SIX4: variants seen among roughly 807,000 people sequenced by gnomAD.
SIX4 encodes the protein homeobox protein SIX4.
In SIX4, 23 loss-of-function variants were observed where a neutral mutation model predicts 51.5. The ratio of observed to expected loss-of-function variants is 0.45; its 90% CI spans 0.32 to 0.63. SIX4 has a LOEUF of 0.63. Among genes scored for constraint, SIX4 ranks in the 30% least tolerant of loss-of-function variants. The pLI is 0.04. For missense variants in SIX4, 867 were observed against 984.0 expected (o/e 0.88, Z 1.59); for synonymous variants, 413 against 417.3 (o/e 0.99, Z 0.13).
rs1896043532 is a variant in SIX4 at position 60,722,620 on chromosome 14, A to G, written c.863+592T>C. Among the ~76,000 whole-genome samples the G allele has an allele frequency of 6.6e-6, 1 of 152,018 alleles. No individual in the cohort carries two copies. On this transcript the variant is annotated intron_variant, in intron 1 of 2. Coordinates refer to ENST00000216513, the MANE Select transcript of SIX4 (RefSeq NM_017420.5). This position sits in a 1 kb window ranked among gnomAD's most constrained non-coding sequence, Gnocchi z 5.9. ...ATTAACTCTGTCATATGAAACCTCG[A>G]CGTTCCGAGACCCCTTCTGCGCCGC...
In SIX4 at chr14:60,720,133, G is replaced by C. The variant is rs1159243746; in HGVS notation, c.1176C>G (p.Asn392Lys). ...NVGNTQAVAL[N>K]PPKMSSNIVS... ...CAATGTTTGATGACATTTTTGGTGG[G>C]TTCAATGCCACTGCCTGTGTATTTC... Residue 392 changes from asparagine (N) to lysine (K), a missense_variant, in exon 2 of 3, where the codon AAC (asparagine) becomes AAG (lysine). Asn to Lys is a moderately conservative substitution (Grantham distance 94, BLOSUM62 0). Coordinates refer to ENST00000216513, the MANE Select transcript of SIX4 (RefSeq NM_017420.5). This position sits in a 1 kb window ranked among gnomAD's most constrained non-coding sequence, Gnocchi z 5.5. The C allele has an allele frequency of 3.7e-6, 6 of 1,614,076 alleles. No individual in the cohort carries two copies. In the African/African-American group the frequency reaches 6.7e-5, roughly 18 times the overall value.
Position 60,713,974 on chromosome 14 carries a change from G to A in SIX4, c.1779C>T (p.Asn593=). The stretch of plus-strand genomic sequence containing the variant: ...TCCCCGAGATGTTTTCAGAAGACAG[G>A]TTTGCATTTACTTGTGCATTCTGAT... ...PVNQNAQVNA[N]LSSENISGSG... is the part of the protein sequence containing the mutation. Residue 593 remains asparagine (N), a synonymous_variant, in exon 3 of 3, where the codon AAC becomes AAT. Coordinates refer to ENST00000216513, the MANE Select transcript of SIX4 (RefSeq NM_017420.5). 6.2e-7 allele frequency: 1 copy of A among 1,614,162 alleles called. No homozygotes were observed. Among genetic ancestry groups the A allele is most frequent in the African/African-American group, 1.3e-5 (1 of 75,044 alleles).
At position 60,720,481 on chromosome 14, in the gene SIX4, C is replaced by A; in HGVS notation, c.864-36G>T. ...GGGGAAATCAAAATGTTCAGAAGGT[C>A]AGGGGGATGACATTCTACACAGTGC... On this transcript the variant is annotated intron_variant, in intron 1 of 2. Transcript: ENST00000216513. This position sits in a 1 kb window ranked among gnomAD's most constrained non-coding sequence, Gnocchi z 5.5. 1 of 1,580,808 alleles carries A rather than the reference C, an allele frequency of 6.3e-7. No homozygotes were observed. Among genetic ancestry groups the A allele is most frequent in the South Asian group, 1.2e-5 (1 of 84,738 alleles).
rs1388974429 is a variant in SIX4 at position 60,714,136 on chromosome 14, C to T, written c.1617G>A (p.Gln539=). ...GAGAGCTCAAGAAAACCTTTCCTTGCTGGACTGTGGTAGACTCACTTGTAA... is the reference window on the plus strand; with the variant it reads ...GAGAGCTCAAGAAAACCTTTCCTTGTTGGACTGTGGTAGACTCACTTGTAA... The part of the protein sequence containing the change: ...STFTSESTTV[Q]QGKVFLSSLA... The change falls in exon 3 of 3, where the codon CAG becomes CAA. Residue 539 remains glutamine, a synonymous_variant. Transcript: ENST00000216513. 1 of 1,613,408 alleles carries T rather than the reference C, an allele frequency of 6.2e-7. No homozygotes were observed. The highest frequency in any genetic ancestry group is 1.1e-5 in the South Asian group (1 of 91,022).
At chr14:60,718,337 T>C (rs1322906664) in intron 2 of SIX4, among the ~76,000 whole-genome samples, 2 of 152,306 alleles carry the variant, frequency 1.3e-5, no homozygotes, top group South Asian at 2.1e-4. Flanking sequence ...GAAAATGCTA[T>C]TCTTATTCCT....
chr14:60,723,668 A>T lies in SIX4; in HGVS notation c.407T>A (p.Leu136Gln), dbSNP rs1896079533. Residue 136 changes from leucine (L) to glutamine (Q), a missense_variant, in exon 1 of 3, where the codon CTG becomes CAG. By Grantham distance (113) the Leu-to-Gln change is moderately radical (BLOSUM62 -2). Coordinates refer to ENST00000216513, the MANE Select transcript of SIX4 (RefSeq NM_017420.5). ...GCCACGTAGCAGGTCGCTCTGGGGC[A>T]GGGACCACAGGAACCGGGCCAGGCG... Reference protein sequence around the residue: ...LDRLARFLWSLPQSDLLRGNE... With the variant: ...LDRLARFLWSQPQSDLLRGNE... The T allele has an allele frequency of 7.6e-6, 12 of 1,583,048 alleles. No homozygotes were observed. Among genetic ancestry groups the T allele is most frequent in the African/African-American group, 1.3e-5 (1 of 74,328 alleles).
At chr14:60,715,874 A>C (rs1895912244) in intron 2 of SIX4, among the ~76,000 whole-genome samples, 2 of 150,384 alleles carry the variant, frequency 1.3e-5, no homozygotes, top group South Asian at 4.2e-4. Context: ...ATGTTCAGTC[A>C]ACTCTTTTTT....
In SIX4 at chr14:60,713,719, G is replaced by A; in HGVS notation, c.2034C>T (p.Val678=). The A allele has an allele frequency of 6.2e-7, 1 of 1,614,222 alleles. No individual in the cohort carries two copies. The highest frequency in any genetic ancestry group is 8.5e-7 in the Non-Finnish European group (1 of 1,180,052). ...CCCCAAGGGCAGCCTGAGTCATAGG[G>A]ACTGACAATAGGTCTTGACCAGTAA... The part of the protein sequence containing the change: ...SLITGQDLLS[V]PMTQAALGEI... Residue 678 remains valine (V), a synonymous_variant, in exon 3 of 3, where the codon GTC becomes GTT. Coordinates refer to ENST00000216513, the MANE Select transcript of SIX4 (RefSeq NM_017420.5).
intron 1 of SIX4, 200 bp downstream of exon 1, chr14:60,723,012 A>C: frequency 8.4e-7 from 1 of 1,188,958 alleles, no homozygotes; most frequent in Non-Finnish European, 1.1e-6. Flanking sequence ...GAGGGTAAGG[A>C]GGGAGGTTCC....
At chr14:60,723,087 A>C in intron 1 of SIX4, 125 bp downstream of exon 1, 1 of 1,376,382 alleles carries the variant, frequency 7.3e-7, no homozygotes, top group South Asian at 1.6e-5. Flanking sequence ...GGGCGGGGAG[A>C]GGTGGGCAGC....
chr14:60,724,008 C>T lies in SIX4; in HGVS notation c.67G>A (p.Glu23Lys). The change falls in exon 1 of 3, where the codon GAA becomes AAA. Residue 23 changes from glutamate (E) to lysine (K), a missense_variant. Glu to Lys is a moderately conservative substitution (Grantham distance 56). Coordinates refer to ENST00000216513, the MANE Select transcript of SIX4 (RefSeq NM_017420.5). ...GCCTCCTGCCCTTCCGAGGCGCTTT[C>T]CATCCCATTCTCTTGCTTGATGTCC... ...AADIKQENGMESASEGQEAHR... is the reference protein window; with the variant it reads ...AADIKQENGMKSASEGQEAHR... 6.6e-7 allele frequency: 1 copy of T among 1,520,068 alleles called. No homozygotes were observed. Among genetic ancestry groups the T allele is most frequent in the Non-Finnish European group, 8.8e-7 (1 of 1,136,334 alleles). 94.2% of individuals were successfully genotyped at this position (1,520,068 alleles called of 1,614,324 possible).
Position 60,719,853 on chromosome 14 carries a change from T to A in SIX4, c.1456A>T (p.Ile486Phe). 1 of 1,614,222 alleles carries A rather than the reference T, an allele frequency of 6.2e-7. No individual in the cohort carries two copies. Among genetic ancestry groups the A allele is most frequent in the Non-Finnish European group, 8.5e-7 (1 of 1,180,042 alleles). ...TGGCTGTTTGCTCCGGAATTGGGGA[T>A]CTGGACAATGCCATACTGGTTAATT... ...VQINQYGIVQIPNSGANSQFL... is the reference protein window; with the variant it reads ...VQINQYGIVQFPNSGANSQFL... Residue 486 changes from isoleucine to phenylalanine, a missense_variant, in exon 2 of 3, where the codon ATC (isoleucine) becomes TTC (phenylalanine). Transcript: ENST00000216513. The surrounding 1 kb of genome is among the most constrained non-coding windows in gnomAD (Gnocchi z 4.9).
In SIX4 at chr14:60,714,191, A is replaced by G. The variant is rs759409239; in HGVS notation, c.1562T>C (p.Val521Ala). Residue 521 changes from valine to alanine, a missense_variant, in exon 3 of 3, where the codon GTA (valine) becomes GCA (alanine). By Grantham distance (64) the Val-to-Ala change is moderately conservative. Transcript: ENST00000216513. The part of the protein sequence containing the change: ...SVAASQGNIS[V>A]SSSTSDGSTF... ...GCTTCCATCTGAAGTGCTTGAGCTT[A>G]CTGAGATATTACCTAAAAAAAATAA... 6.3e-6 allele frequency: 10 copies of G among 1,583,518 alleles called. 1 individual carries two copies. In the South Asian group the frequency reaches 1.2e-4, roughly 18 times the overall value.
chr14:60,714,856 G>T (rs1421195963), intron 2 of SIX4, among the ~76,000 whole-genome samples: 1 of 151,636 alleles, frequency 6.6e-6, no homozygotes, highest in African/African-American at 2.4e-5. Context: ...AGTAGAGACG[G>T]GGTTTCACCA....
chr14:60,711,484 T>TA lies in SIX4; in HGVS notation c.*1922dup, dbSNP rs1229088021. 58 of 146,602 alleles carry TA rather than the reference T, an allele frequency of 4.0e-4. No individual in the cohort carries two copies. Among genetic ancestry groups the TA allele is most frequent in the Admixed American group, 9.6e-4 (14 of 14,620 alleles). The allele number at this position is 146,602 out of a possible 1,614,324, so 9.1% of individuals were successfully genotyped here. The stretch of plus-strand genomic sequence containing the variant: ...TAGAGTGGGCCCTTTGTTCTGATCA[T>TA]AAAAAAAAAAGCAAGATGTGGCCAG... On this transcript the variant is annotated 3_prime_UTR_variant, in exon 3 of 3. Transcript: ENST00000216513.
intron 2 of SIX4, among the ~76,000 whole-genome samples, chr14:60,715,993 G>A (rs945133450): frequency 6.6e-6 from 1 of 151,818 alleles, no homozygotes; most frequent in African/African-American, 2.4e-5. Flanking sequence ...CAACCTCTGA[G>A]TAGCTGGGAT....
At position 60,709,544 on chromosome 14, in the gene SIX4, A is replaced by G. The variant is rs1442719693; in HGVS notation, c.*3863T>C. On this transcript the variant is annotated 3_prime_UTR_variant, in exon 3 of 3. Coordinates refer to ENST00000216513, the MANE Select transcript of SIX4 (RefSeq NM_017420.5). This position sits in a 1 kb window ranked among gnomAD's most constrained non-coding sequence, Gnocchi z 4.1. ...AAATAATTTTCAATGCAAGGTATGT[A>G]TAAATATAAAGTTTATTTAGCATAG... 1 of 152,688 alleles carries G rather than the reference A, an allele frequency of 6.5e-6. No individual in the cohort carries two copies. Among genetic ancestry groups the G allele is most frequent in the Non-Finnish European group, 1.5e-5 (1 of 68,054 alleles). The allele number at this position is 152,688 out of a possible 1,614,324, so 9.5% of individuals were successfully genotyped here.
Position 60,714,121 on chromosome 14 carries a change from G to A in SIX4, c.1632C>T (p.Phe544=). Residue 544 remains phenylalanine (F), a synonymous_variant, in exon 3 of 3, where the codon TTC becomes TTT. Coordinates refer to ENST00000216513, the MANE Select transcript of SIX4 (RefSeq NM_017420.5). ...CTGCACTGGGAGCAAGAGAGCTCAAGAAAACCTTTCCTTGCTGGACTGTGG... is the reference window on the plus strand; with the variant it reads ...CTGCACTGGGAGCAAGAGAGCTCAAAAAAACCTTTCCTTGCTGGACTGTGG... ...ESTTVQQGKV[F]LSSLAPSAVV... is the part of the protein sequence containing the mutation. 2 of 1,613,940 alleles carry A rather than the reference G, an allele frequency of 1.2e-6. No homozygotes were observed. Among genetic ancestry groups the A allele is most frequent in the South Asian group, 2.2e-5 (2 of 91,054 alleles).
chr14:60,723,196 G>C lies in SIX4; in HGVS notation c.863+16C>G. The C allele has an allele frequency of 6.3e-7, 1 of 1,589,422 alleles. No homozygotes were observed. The highest frequency in any genetic ancestry group is 8.6e-7 in the Non-Finnish European group (1 of 1,168,742). On this transcript the variant is annotated intron_variant, in intron 1 of 2. Transcript: ENST00000216513. ...GGGGGAGAGGAAGGGGGAGGAGGAG[G>C]AAAGTTGGCGCTCACCTTTTGGACT...
Sources: gnomAD v4.1 joint callset for allele counts (sites outside exome capture counted in the v4.1 genomes callset) on GRCh38, gnomAD v4.1.1 for gene constraint, Gnocchi (gnomAD v3.1) non-coding constraint, MANE v1.5 for transcripts, NCBI Gene and HGNC (gene_info 2026-07-23, HGNC 2026-07-21) for gene names.